TMEM52B: variants seen among roughly 807,000 people sequenced by gnomAD.
The protein encoded by TMEM52B is chromosome 12 open reading frame 59.
Under a neutral mutation model 16.1 loss-of-function variants are expected in TMEM52B, and 11 were observed. That is an observed-to-expected ratio of 0.68 (90% confidence interval 0.43 to 1.13). TMEM52B has a LOEUF of 1.13. TMEM52B is among the 50% of genes most tolerant of loss of function. The pLI, the probability that TMEM52B is intolerant of heterozygous loss-of-function variation, is 0.00. For missense variants in TMEM52B, 243 were observed against 230.4 expected, an observed-to-expected ratio of 1.05 and a Z score of -0.35; for synonymous variants, 101 against 93.8, an observed-to-expected ratio of 1.08 and a Z score of -0.45.
intron 2 of TMEM52B, among the ~76,000 whole-genome samples, 185 bp downstream of exon 2, chr12:10,182,778 A>G (rs955784111): frequency 6.6e-6 from 1 of 152,188 alleles, no homozygotes; most frequent in Non-Finnish European, 1.5e-5. Flanking sequence ...CACTCAAAAT[A>G]ACACTGCTGA....
intron 3 of TMEM52B, 32 bp from the exon 4 acceptor site, chr12:10,186,388 A>G: frequency 6.4e-7 from 1 of 1,563,586 alleles, no homozygotes; most frequent in Non-Finnish European, 8.7e-7. Context: ...GCCAGATCCC[A>G]GAGCTCCCAC....
At chr12:10,181,789 G>A (rs1003515419) in intron 1 of TMEM52B, among the ~76,000 whole-genome samples, 1 of 151,454 alleles carries the variant, frequency 6.6e-6, no homozygotes, top group Non-Finnish European at 1.5e-5. Flanking sequence ...CACTTTGGGA[G>A]GCGGAGGTGG....
At chr12:10,185,125 A>G (rs896580630) in intron 2 of TMEM52B, among the ~76,000 whole-genome samples, 3 of 152,248 alleles carry the variant, frequency 2.0e-5, no homozygotes, top group Non-Finnish European at 4.4e-5. Flanking sequence ...GACTCAGACA[A>G]TGCCATCTAT....
chr12:10,178,827 A>C (rs961078813), upstream of TMEM52B, among the ~76,000 whole-genome samples: 1 of 152,184 alleles, frequency 6.6e-6, no homozygotes, highest in Non-Finnish European at 1.5e-5. Flanking sequence ...GAAAATTCTA[A>C]TCTTCCGACT....
chr12:10,178,295 T>A (rs1035989340), upstream of TMEM52B, among the ~76,000 whole-genome samples: 4 of 151,792 alleles, frequency 2.6e-5, no homozygotes, highest in African/African-American at 9.7e-5. Context: ...GTCGGGCGGA[T>A]CATGAGGTCA....
At position 10,179,749 on chromosome 12, in the gene TMEM52B, A is replaced by T. The variant is rs1427841069; in HGVS notation, c.54+121A>T. The T allele has an allele frequency of 1.1e-5, 12 of 1,119,778 alleles. No individual in the cohort carries two copies. In the East Asian group the frequency reaches 2.9e-4, roughly 27 times the overall value. The allele number at this position is 1,119,778 out of a possible 1,614,324, so 69.4% of individuals were successfully genotyped here. A position where few individuals can be genotyped will look rare whatever the true frequency, so the allele number is the denominator to read the frequency against. On this transcript the variant is annotated intron_variant, in intron 1 of 4. Coordinates refer to ENST00000543484, the MANE Select transcript of TMEM52B (RefSeq NM_001384896.1). ...ACATATACAGAACCCAGGGGGTCAT[A>T]GGGAAATGAATAAACTACAAAGTTT...
chr12:10,184,313 T>A (rs1319706842), intron 2 of TMEM52B, among the ~76,000 whole-genome samples: 1 of 152,182 alleles, frequency 6.6e-6, no homozygotes, highest in Non-Finnish European at 1.5e-5. Flanking sequence ...TTTCCCGGAG[T>A]TCTGTGAGCT....
At chr12:10,186,311 A>G in intron 3 of TMEM52B, 109 bp from the exon 4 acceptor site, 7 of 724,656 alleles carry the variant, frequency 9.7e-6, no homozygotes, top group Non-Finnish European at 1.4e-5. Flanking sequence ...TAATTATTCT[A>G]TAAAATGTTT....
chr12:10,176,526 C>T (rs1362460817), upstream of TMEM52B, among the ~76,000 whole-genome samples: 2 of 151,926 alleles, frequency 1.3e-5, no homozygotes, highest in Non-Finnish European at 2.9e-5. Context: ...GGTGGCCAGG[C>T]TAGCAAGGAA....
intron 1 of TMEM52B, chr12:10,182,256 T>C (rs769873499): frequency 9.1e-6 from 9 of 985,000 alleles, no homozygotes; most frequent in Non-Finnish European, 1.1e-5. Flanking sequence ...GATCAGGAAT[T>C]TTCTACTACA....
Position 10,189,583 on chromosome 12 carries a change from A to G in TMEM52B, c.308-313A>G, listed in dbSNP as rs969255368. ...AGGTTGCAATGAGCCAAGATCCACC[A>G]TTGCACTCCAGCCTGGGCAACAAGA... On this transcript the variant is annotated intron_variant, in intron 4 of 4. Coordinates refer to ENST00000543484, the MANE Select transcript of TMEM52B (RefSeq NM_001384896.1). Among the ~76,000 whole-genome samples the G allele has an allele frequency of 1.1e-3, 162 of 145,452 alleles. 1 individual carries two copies. The highest frequency in any genetic ancestry group is 6.0e-4 in the East Asian group (3 of 4,960).
chr12:10,187,918 G>A (rs1948899919), intron 4 of TMEM52B, among the ~76,000 whole-genome samples: 1 of 152,042 alleles, frequency 6.6e-6, no homozygotes, highest in Admixed American at 6.6e-5. Flanking sequence ...GGTCAACATG[G>A]TGAAACCTCG....
At chr12:10,186,870 A>G (rs575631182) in intron 4 of TMEM52B, among the ~76,000 whole-genome samples, 2 of 152,220 alleles carry the variant, frequency 1.3e-5, no homozygotes, top group Non-Finnish European at 2.9e-5. Flanking sequence ...TTACTTTGCT[A>G]AAAACTATTT....
rs189769743 is a variant in TMEM52B, at chr12:10,173,911, G to A, written c.-95+3060G>A. Among the ~76,000 whole-genome samples, 41 of 152,066 alleles carry A rather than the reference G, an allele frequency of 2.7e-4. No individual in the cohort carries two copies. In the East Asian group the frequency reaches 7.5e-3, roughly 28 times the overall value. The stretch of plus-strand genomic sequence containing the variant: ...TTTACCATTTCAACCATTTTTAGGT[G>A]TACTGTTCAGTGGCATTAAGTACAT... On this transcript the variant is annotated intron_variant, in intron 1 of 5. Coordinates refer to the TMEM52B transcript ENST00000381923.
chr12:10,186,175 C>G (rs150671236), intron 3 of TMEM52B, among the ~76,000 whole-genome samples: 16 of 152,046 alleles, frequency 1.1e-4, no homozygotes, highest in Middle Eastern at 3.2e-3. Context: ...AAAGAAGCAG[C>G]CCCCCAAACT....
At position 10,190,116 on chromosome 12, in the gene TMEM52B, T is replaced by C; in HGVS notation, c.528T>C (p.Thr176=). 2.5e-6 allele frequency: 4 copies of C among 1,614,156 alleles called. No homozygotes were observed. The highest frequency in any genetic ancestry group is 3.4e-6 in the Non-Finnish European group (4 of 1,180,032). The change falls in exon 5 of 5, where the codon ACT becomes ACC. Residue 176 remains threonine, a synonymous_variant. Transcript: ENST00000543484. ...TGCCTCCAACAGAGAAGGAGTCGAC[T>C]CGAATAGTTGACTCTTGGAACTGAT... ...KQLPPTEKES[T]RIVDSWN
chr12:10,184,929 G>T (rs1331432444), intron 2 of TMEM52B, among the ~76,000 whole-genome samples: 1 of 151,976 alleles, frequency 6.6e-6, no homozygotes, highest in African/African-American at 2.4e-5. Flanking sequence ...GGCCAGGCTG[G>T]TCTCCAACTC....
chr12:10,179,296 G>A lies in TMEM52B; in HGVS notation c.-279G>A, dbSNP rs1047961497. 1.1e-5 allele frequency: 5 copies of A among 438,628 alleles called. No homozygotes were observed. Among genetic ancestry groups the A allele is most frequent in the Non-Finnish European group, 2.1e-5 (5 of 238,958 alleles). 27.2% of individuals were successfully genotyped at this position (438,628 alleles called of 1,614,324 possible). A position where few individuals can be genotyped will look rare whatever the true frequency, so the allele number is the denominator to read the frequency against. On this transcript the variant is annotated 5_prime_UTR_variant, in exon 1 of 5. Coordinates refer to ENST00000543484, the MANE Select transcript of TMEM52B (RefSeq NM_001384896.1). ...ATGTAGAAAGAATTAATAGTGTAAC[G>A]GAAAGAAAGAAGGCAAAAGGAAGTA...
chr12:10,191,506 C>T lies in TMEM52B; in HGVS notation c.*1366C>T, dbSNP rs1175970775. 2.0e-5 allele frequency: 3 copies of T among 152,152 alleles called. No homozygotes were observed. Among genetic ancestry groups the T allele is most frequent in the African/African-American group, 7.2e-5 (3 of 41,426 alleles). The allele number at this position is 152,152 out of a possible 1,614,324, so 9.4% of individuals were successfully genotyped here. On this transcript the variant is annotated 3_prime_UTR_variant, in exon 5 of 5. Coordinates refer to ENST00000543484, the MANE Select transcript of TMEM52B (RefSeq NM_001384896.1). ...AAAGTGCTGGAATTAGAGGCCTGACCCCCTGCTCCTGGCCTGAAATCTTTA... is the reference window on the plus strand; with the variant it reads ...AAAGTGCTGGAATTAGAGGCCTGACTCCCTGCTCCTGGCCTGAAATCTTTA...
Sources: gnomAD v4.1 joint callset for allele counts (sites outside exome capture counted in the v4.1 genomes callset) on GRCh38, gnomAD v4.1.1 for gene constraint, MANE v1.5 for transcripts, NCBI Gene and HGNC (gene_info 2026-07-23, HGNC 2026-07-21) for gene names.